Variants in SNAP91 observed in about 807,000 individuals in gnomAD.
SNAP91 encodes synaptosome associated protein 91, also known as clathrin coat assembly protein AP180.
In SNAP91, 27 loss-of-function variants were observed where a neutral mutation model predicts 100.3. The ratio of observed to expected loss-of-function variants is 0.27; its 90% CI spans 0.20 to 0.37. The LOEUF is 0.37. SNAP91 is among the 10% of genes least tolerant of loss of function. The pLI, the probability that SNAP91 is intolerant of heterozygous loss-of-function variation, is 1.00. For missense variants in SNAP91, 986 were observed against 1,123.7 expected, an observed-to-expected ratio of 0.88 and a Z score of 1.75; for synonymous variants, 404 against 398.6, an observed-to-expected ratio of 1.01 and a Z score of -0.16.
chr6:83,617,611 T>C (rs1046105149), intron 9 of SNAP91, among the ~76,000 whole-genome samples: 1 of 151,376 alleles, frequency 6.6e-6, no homozygotes, highest in Non-Finnish European at 1.5e-5. Context: ...AAAATATATT[T>C]ATATGTATAA....
chr6:83,620,185 T>C (rs1420603218), intron 9 of SNAP91, among the ~76,000 whole-genome samples: 2 of 152,214 alleles, frequency 1.3e-5, no homozygotes, highest in South Asian at 2.1e-4. Context: ...AATTCCTCCA[T>C]TCCATTTTGC....
intron 28 of SNAP91, among the ~76,000 whole-genome samples, chr6:83,557,112 A>G (rs192148285): frequency 1.1e-4 from 17 of 152,328 alleles, no homozygotes; most frequent in African/African-American, 3.1e-4. Flanking sequence ...TGTCACAGAT[A>G]TAACTTCTGG....
intron 26 of SNAP91, among the ~76,000 whole-genome samples, chr6:83,565,702 T>C (rs1033256944): frequency 6.6e-6 from 1 of 152,102 alleles, no homozygotes; most frequent in Non-Finnish European, 1.5e-5. Context: ...AATACACACA[T>C]GAAAAGATGT....
At chr6:83,669,220 A>C (rs2098739925) in intron 2 of SNAP91, among the ~76,000 whole-genome samples, 1 of 151,946 alleles carries the variant, frequency 6.6e-6, no homozygotes, top group African/African-American at 2.4e-5. Flanking sequence ...CATACTTAAA[A>C]GTGTTTTTCC....
Sources: allele counts gnomAD v4.1 joint callset (sites outside exome capture counted in the v4.1 genomes callset), GRCh38; gene constraint gnomAD v4.1.1; transcripts MANE v1.5; gene names NCBI Gene and HGNC (gene_info 2026-07-23, HGNC 2026-07-21).